Variants in SLIT3 observed in about 807,000 individuals in gnomAD.
The protein encoded by SLIT3 is slit homolog 3 protein.
In SLIT3, 68 loss-of-function variants were observed where a neutral mutation model predicts 184.0. The ratio of observed to expected loss-of-function variants is 0.37; its 90% confidence interval spans 0.30 to 0.45. The LOEUF is 0.45. SLIT3 is among the 20% of genes least tolerant of loss of function. The pLI is 1.00. For missense variants in SLIT3, 1,707 were observed against 2,026.0 expected, an observed-to-expected ratio of 0.84 and a Z score of 3.02; for synonymous variants, 831 against 828.6, an observed-to-expected ratio of 1.00 and a Z score of -0.05.
chr5:168,828,373 A>G (rs752410897), intron 6 of SLIT3, among the ~76,000 whole-genome samples: 13 of 152,122 alleles, frequency 8.5e-5, no homozygotes, highest in Non-Finnish European at 1.8e-4. Flanking sequence ...GCTCATGCCT[A>G]TAATCCCAGT....
At position 168,696,364 on chromosome 5, in the gene SLIT3, CGTT is replaced by C; in HGVS notation, c.3007_3009del (p.Asn1003del). 6.2e-7 allele frequency: 1 copy of C among 1,614,150 alleles called. No homozygotes were observed. ...ACGCAGGTGGCATTGTTTTCGCAGT[CGTT>C]GTCCTCACAGTCATCTGGGTTGATC... is the stretch of plus-strand genomic sequence containing the variant. On this transcript the variant is annotated inframe_deletion, in exon 28 of 36. Transcript: ENST00000519560.
At chr5:169,298,553 C>G (rs1767586830) in intron 1 of SLIT3, among the ~76,000 whole-genome samples, 1 of 152,184 alleles carries the variant, frequency 6.6e-6, no homozygotes, top group East Asian at 1.9e-4. Flanking sequence ...GACCTAACAT[C>G]AAAGTGAGCT....
intron 4 of SLIT3, among the ~76,000 whole-genome samples, chr5:168,972,608 T>C (rs1754617226): frequency 6.6e-6 from 1 of 151,992 alleles, no homozygotes; most frequent in East Asian, 1.9e-4. Flanking sequence ...ACCTTTGAGG[T>C]AGGGCCGAGG....
intron 26 of SLIT3, among the ~76,000 whole-genome samples, chr5:168,706,240 G>C (rs1278051943): frequency 1.3e-5 from 2 of 152,280 alleles, no homozygotes; most frequent in South Asian, 2.1e-4. Context: ...TATCATCCTA[G>C]TGTATTGCGT....
At chr5:169,263,749 C>CCTGAACTT (rs781250950) in intron 1 of SLIT3, 2 of 496,428 alleles carry the variant, frequency 4.0e-6, no homozygotes, top group Non-Finnish European at 8.1e-6. Flanking sequence ...TTCTCCCTTC[C>CCTGAACTT]CTGAACTTCT....
chr5:169,100,839 G>A (rs1381919712), intron 4 of SLIT3, among the ~76,000 whole-genome samples: 3 of 152,168 alleles, frequency 2.0e-5, no homozygotes, highest in South Asian at 2.1e-4. Flanking sequence ...GGTTCTCTGC[G>A]GTCACTGGCA....
At chr5:168,813,126 G>A (rs532435500) in intron 8 of SLIT3, among the ~76,000 whole-genome samples, 12 of 152,242 alleles carry the variant, frequency 7.9e-5, no homozygotes, top group African/African-American at 2.6e-4. Context: ...GTGTGAAACA[G>A]ATGGACAAAC....
chr5:169,176,008 G>A (rs1762972989), intron 4 of SLIT3, among the ~76,000 whole-genome samples: 1 of 152,032 alleles, frequency 6.6e-6, no homozygotes, highest in African/African-American at 2.4e-5. Flanking sequence ...TATCACCCAG[G>A]GTTTCTTCTC....
chr5:168,853,489 C>A (rs1180921754), intron 5 of SLIT3, among the ~76,000 whole-genome samples: 2 of 152,178 alleles, frequency 1.3e-5, no homozygotes, highest in Non-Finnish European at 2.9e-5. Flanking sequence ...TCAGTGGCTC[C>A]CTGTGGCTCA....
At chr5:168,696,865 AT>A (rs887536419) in intron 27 of SLIT3, among the ~76,000 whole-genome samples, 1 of 151,910 alleles carries the variant, frequency 6.6e-6, no homozygotes, top group Non-Finnish European at 1.5e-5. Context: ...CCTTTAAGTG[AT>A]TTTTTTACTC....
At chr5:168,817,172 G>T in intron 8 of SLIT3, 128 bp downstream of exon 8, 1 of 777,788 alleles carries the variant, frequency 1.3e-6, no homozygotes, top group Non-Finnish European at 2.1e-6. Flanking sequence ...TACTGAGGAC[G>T]ACCTATGGGG....
chr5:168,951,136 C>T (rs1323343001), intron 4 of SLIT3, among the ~76,000 whole-genome samples: 4 of 152,170 alleles, frequency 2.6e-5, no homozygotes, highest in African/African-American at 9.7e-5. Context: ...AGGAGAATTG[C>T]TTGAACCTGG....
intron 4 of SLIT3, among the ~76,000 whole-genome samples, chr5:169,169,995 C>T (rs1762765758): frequency 6.6e-6 from 1 of 152,202 alleles, no homozygotes; most frequent in South Asian, 2.1e-4. Flanking sequence ...AATGCCCTTC[C>T]TCGCAGAGGG....
Position 168,823,192 on chromosome 5 carries a change from C to T in SLIT3, c.629+68G>A, listed in dbSNP as rs113377720. 1,214 of 1,192,922 alleles carry T rather than the reference C, an allele frequency of 1.0e-3. 8 individuals carry two copies. In the African/African-American group the frequency reaches 0.016, roughly 16 times the overall value. The allele number at this position is 1,192,922 out of a possible 1,614,324, so 73.9% of individuals were successfully genotyped here. Reference sequence around the variant, plus strand: ...ATAGCATGGTAGGTTTGACAAGCAGCGTAGAGTGCTGCACTTTGGGCGTGA... The same window carrying T: ...ATAGCATGGTAGGTTTGACAAGCAGTGTAGAGTGCTGCACTTTGGGCGTGA... On this transcript the variant is annotated intron_variant, in intron 7 of 35. Transcript: ENST00000519560.
At chr5:168,935,449 C>G (rs1762130308) in intron 4 of SLIT3, among the ~76,000 whole-genome samples, 1 of 152,200 alleles carries the variant, frequency 6.6e-6, no homozygotes, top group South Asian at 2.1e-4. Flanking sequence ...ATCTCTACAA[C>G]CAGAGAGTAC....
intron 5 of SLIT3, among the ~76,000 whole-genome samples, chr5:168,856,431 G>A (rs979980594): frequency 3.3e-5 from 5 of 152,160 alleles, no homozygotes; most frequent in Admixed American, 1.3e-4. Context: ...AGAGCAATGC[G>A]AATGAAGGAG....
At chr5:168,817,576 C>A in intron 7 of SLIT3, 113 bp from the exon 8 acceptor site, 1 of 990,080 alleles carries the variant, frequency 1.0e-6, no homozygotes, top group Non-Finnish European at 1.5e-6. Flanking sequence ...GTGTGAAAAT[C>A]CCTAGGAGCC....
intron 4 of SLIT3, among the ~76,000 whole-genome samples, chr5:169,046,176 G>C (rs1014182313): frequency 6.6e-6 from 1 of 152,122 alleles, no homozygotes; most frequent in Non-Finnish European, 1.5e-5. Context: ...TAGGTAAAGA[G>C]GTGGTATTGC....
intron 8 of SLIT3, among the ~76,000 whole-genome samples, chr5:168,813,988 T>C (rs183206438): frequency 6.6e-6 from 1 of 152,358 alleles, no homozygotes; most frequent in Non-Finnish European, 1.5e-5. Flanking sequence ...CCTGAGTGGA[T>C]GACCTCTATT....
Sources: gnomAD v4.1 joint callset for allele counts (sites outside exome capture counted in the v4.1 genomes callset) on GRCh38, gnomAD v4.1.1 for gene constraint, MANE v1.5 for transcripts, NCBI Gene and HGNC (gene_info 2026-07-23, HGNC 2026-07-21) for gene names.